Variants in TXK observed in about 807,000 individuals in gnomAD.
TXK encodes the protein tyrosine-protein kinase TXK.
Under a neutral mutation model 81.0 loss-of-function variants are expected in TXK, and 60 were observed. That is an observed-to-expected ratio of 0.74 (90% CI 0.60 to 0.92). The LOEUF is 0.92. Ranked by LOEUF, TXK falls within the 40% of genes least tolerant of loss-of-function variation. The pLI, the probability that TXK is intolerant of heterozygous loss-of-function variation, is 0.00. For missense variants in TXK, 581 were observed against 638.3 expected, an observed-to-expected ratio of 0.91 and a Z score of 0.97; for synonymous variants, 203 against 210.7, an observed-to-expected ratio of 0.96 and a Z score of 0.32.
chr4:48,094,165 CTTT>C lies in TXK; in HGVS notation c.618_620del (p.Lys207del). 1 of 1,613,770 alleles carries C rather than the reference CTTT, an allele frequency of 6.2e-7. No individual in the cohort carries two copies. The highest frequency in any genetic ancestry group is 8.5e-7 in the Non-Finnish European group (1 of 1,179,970). On this transcript the variant is annotated inframe_deletion, in exon 8 of 15. Transcript: ENST00000264316. ...CCACATACCACTGTCCTGAGTCATTCTTTTTTATCTGATAATGTTTTATGGCAG... is the reference window on the plus strand; with the variant it reads ...CCACATACCACTGTCCTGAGTCATTCTTTATCTGATAATGTTTTATGGCAG...
At chr4:48,125,555 T>C (rs1168135835) in intron 1 of TXK, among the ~76,000 whole-genome samples, 1 of 152,222 alleles carries the variant, frequency 6.6e-6, no homozygotes, top group Non-Finnish European at 1.5e-5. Context: ...CTCCCTGCTA[T>C]CAAAGCAGGC....
chr4:48,098,185 A>C lies in TXK; in HGVS notation c.502-2963T>G, dbSNP rs1718059877. Among the ~76,000 whole-genome samples, 4 of 152,178 alleles carry C rather than the reference A, an allele frequency of 2.6e-5. No homozygotes were observed. The South Asian group carries it at 8.3e-4, about 32-fold the overall frequency. On this transcript the variant is annotated intron_variant, in intron 6 of 14. Transcript: ENST00000264316. The stretch of plus-strand genomic sequence containing the variant: ...AAAAACTTTTCAGTTTGTATGTAAA[A>C]AATGAGCTTAATATCAATAATCAAC...
chr4:48,075,760 A>G (rs537412444), intron 12 of TXK, among the ~76,000 whole-genome samples: 1 of 152,174 alleles, frequency 6.6e-6, no homozygotes, highest in Non-Finnish European at 1.5e-5. Context: ...GGTGGCTGCA[A>G]TGATGCCATG....
rs1467591026 is a variant in TXK, at chr4:48,094,085, T to C, written c.701A>G (p.Asn234Ser). 3.7e-6 allele frequency: 6 copies of C among 1,613,478 alleles called. No homozygotes were observed. Among genetic ancestry groups the C allele is most frequent in the East Asian group, 2.2e-5 (1 of 44,886 alleles). Residue 234 changes from asparagine (N) to serine (S), a missense_variant, in exon 8 of 15, where the codon AAT (asparagine) becomes AGT (serine). Asn to Ser is a conservative substitution (Grantham distance 46). Transcript: ENST00000264316. ...GGAAGTTCCCCTCTTACCGGCTGCA[T>C]TGTGCTGGTGATACCAGATTAACTC... Reference protein sequence around the residue: ...IPELIWYHQHNAAGLMTRLRY... With the variant: ...IPELIWYHQHSAAGLMTRLRY...
rs146380830 is a variant in TXK at position 48,125,959 on chromosome 4, G to T, written c.16+8196C>A. ...CTCACATGATGGAGGGTGACCCACT[G>T]TACTCCAAGTCCACCGATTTAAATG... On this transcript the variant is annotated intron_variant, in intron 1 of 14. Transcript: ENST00000264316. Among the ~76,000 whole-genome samples, 434 of 152,316 alleles carry T rather than the reference G, an allele frequency of 2.8e-3. 4 individuals are homozygous for T. Among genetic ancestry groups the T allele is most frequent in the African/African-American group, 0.01 (419 of 41,558 alleles).
intron 1 of TXK, among the ~76,000 whole-genome samples, chr4:48,120,403 T>C (rs1012087328): frequency 1.3e-5 from 2 of 151,256 alleles, no homozygotes; most frequent in African/African-American, 2.4e-5. Context: ...GCAGTTACTT[T>C]AGCTGTTAAA....
intron 3 of TXK, among the ~76,000 whole-genome samples, chr4:48,112,766 C>T (rs1202930466): frequency 6.6e-6 from 1 of 151,950 alleles, no homozygotes; most frequent in African/African-American, 2.4e-5. Context: ...TTTTTCATAT[C>T]AAAATTTTCA....
intron 10 of TXK, 126 bp from the exon 11 acceptor site, chr4:48,080,254 A>T (rs953425206): frequency 1.3e-6 from 1 of 765,486 alleles, no homozygotes; most frequent in African/African-American, 1.7e-5. Flanking sequence ...AAATCAACCC[A>T]AACACAGAGG....
At chr4:48,118,898 C>T (rs1172121403) in intron 1 of TXK, among the ~76,000 whole-genome samples, 2 of 152,140 alleles carry the variant, frequency 1.3e-5, no homozygotes, top group African/African-American at 4.8e-5. Context: ...CTTAGATTAA[C>T]TTTGAAAGGG....
chr4:48,075,222 A>G lies in TXK; in HGVS notation c.1239-1169T>C, dbSNP rs531527811. ...CCTACTCCCACATTAGGTTGGTGGG[A>G]TTTAAAAGTGACACAGAACCAGTGC... On this transcript the variant is annotated intron_variant, in intron 12 of 14. Coordinates refer to ENST00000264316, the MANE Select transcript of TXK (RefSeq NM_003328.3). Among the ~76,000 whole-genome samples the G allele has an allele frequency of 3.2e-4, 49 of 152,294 alleles. No homozygotes were observed. The South Asian group carries it at 9.3e-3, about 29-fold the overall frequency.
At chr4:48,117,309 T>C (rs1214538863) in intron 1 of TXK, among the ~76,000 whole-genome samples, 1 of 152,242 alleles carries the variant, frequency 6.6e-6, no homozygotes, top group African/African-American at 2.4e-5. Flanking sequence ...TTTGGGTTTT[T>C]GTTTAGTCTT....
chr4:48,101,303 T>A (rs1718183981), intron 6 of TXK, among the ~76,000 whole-genome samples: 1 of 152,156 alleles, frequency 6.6e-6, no homozygotes, highest in African/African-American at 2.4e-5. Flanking sequence ...TATCTACCTG[T>A]TTGCAAAAGC....
chr4:48,075,067 T>C (rs560252812), intron 12 of TXK, among the ~76,000 whole-genome samples: 16 of 151,144 alleles, frequency 1.1e-4, no homozygotes, highest in Middle Eastern at 3.4e-3. Context: ...GGGATCTTTT[T>C]CCCCCAAAAA....
intron 6 of TXK, among the ~76,000 whole-genome samples, chr4:48,097,302 GA>G (rs1718019063): frequency 6.6e-6 from 1 of 151,932 alleles, no homozygotes; most frequent in Non-Finnish European, 1.5e-5. Context: ...TTGGAAACTC[GA>G]ATGAAATGGA....
At chr4:48,076,356 G>A in intron 12 of TXK, 46 bp downstream of exon 12, 1 of 1,338,384 alleles carries the variant, frequency 7.5e-7, no homozygotes, top group Non-Finnish European at 1.0e-6. Flanking sequence ...TCCCTCTTAT[G>A]AGTAAACAAA....
chr4:48,122,184 A>G (rs1471244297), intron 1 of TXK, among the ~76,000 whole-genome samples: 1 of 151,996 alleles, frequency 6.6e-6, no homozygotes, highest in Non-Finnish European at 1.5e-5. Flanking sequence ...ATAGCTCCCC[A>G]TTTCACTCAG....
intron 14 of TXK, 54 bp downstream of exon 14, chr4:48,071,463 C>G (rs1716850268): frequency 6.5e-7 from 1 of 1,539,902 alleles, no homozygotes. Context: ...ATAATCAGGT[C>G]TGCTCTCAGA....
chr4:48,081,177 T>G (rs1005613891), intron 10 of TXK, among the ~76,000 whole-genome samples: 1 of 152,088 alleles, frequency 6.6e-6, no homozygotes, highest in Non-Finnish European at 1.5e-5. Context: ...AGAGATGCAG[T>G]TTACATATAT....
intron 2 of TXK, 56 bp from the exon 3 acceptor site, chr4:48,113,365 A>G (rs1718700779): frequency 2.2e-6 from 3 of 1,333,524 alleles, no homozygotes; most frequent in East Asian, 2.3e-5. Context: ...AGTTATCTAT[A>G]CATCCACTAG....
Sources: gnomAD v4.1 joint callset for allele counts (sites outside exome capture counted in the v4.1 genomes callset) on GRCh38, gnomAD v4.1.1 for gene constraint, MANE v1.5 for transcripts, NCBI Gene and HGNC (gene_info 2026-07-23, HGNC 2026-07-21) for gene names.